The following SVIL variants were observed in gnomAD, a reference collection of about 807,000 sequenced individuals.
SVIL encodes supervillin.
A neutral mutation model predicts 240.4 loss-of-function variants in SVIL; 101 were observed. The ratio of observed to expected loss-of-function variants is 0.42; its 90% CI spans 0.36 to 0.50. The LOEUF is 0.50. Ranked by LOEUF, SVIL falls within the 20% of genes least tolerant of loss-of-function variation. The probability of loss-of-function intolerance (pLI) is 0.01; values close to 1 mark genes in which losing one functional copy is unlikely to be tolerated. For synonymous variants in SVIL, 999 were observed against 1,100.0 expected (o/e 0.91, Z 1.82); for missense variants, 2,512 against 2,818.7 (o/e 0.89, Z 2.46).
At chr10:29,472,093 A>G (rs1945646111) in intron 30 of SVIL, among the ~76,000 whole-genome samples, 1 of 152,202 alleles carries the variant, frequency 6.6e-6, no homozygotes, top group African/African-American at 2.4e-5. Context: ...TGGGTGACAG[A>G]GTGAGACCCC....
At chr10:29,716,948 G>A (rs1755561791) in intron 1 of SVIL, among the ~76,000 whole-genome samples, 1 of 152,288 alleles carries the variant, frequency 6.6e-6, no homozygotes, top group South Asian at 2.1e-4. Context: ...TAGGCACTGT[G>A]GGCTGGGAGC....
chr10:29,487,008 T>C (rs1423582031), intron 24 of SVIL, 155 bp downstream of exon 24: 2 of 945,934 alleles, frequency 2.1e-6, no homozygotes, highest in Non-Finnish European at 3.1e-6. Flanking sequence ...AAAGCTTGTT[T>C]GAGAGACATT....
At chr10:29,717,940 A>G (rs1462498672) in intron 1 of SVIL, among the ~76,000 whole-genome samples, 1 of 152,228 alleles carries the variant, frequency 6.6e-6, no homozygotes, top group Non-Finnish European at 1.5e-5. Flanking sequence ...AAAATTTAAG[A>G]AAAAATGTCT....
intron 1 of SVIL, among the ~76,000 whole-genome samples, chr10:29,617,843 C>T (rs948725317): frequency 2.0e-5 from 3 of 152,108 alleles, no homozygotes; most frequent in Admixed American, 1.3e-4. Context: ...TAAAGCCGGC[C>T]AATGCAGGCC....
At chr10:29,553,824 T>A (rs1391381546) in intron 5 of SVIL, among the ~76,000 whole-genome samples, 3 of 152,202 alleles carry the variant, frequency 2.0e-5, no homozygotes, top group Non-Finnish European at 4.4e-5. Flanking sequence ...ATAACTTAGA[T>A]AGAAAGTTTT....
intron 1 of SVIL, among the ~76,000 whole-genome samples, chr10:29,717,748 G>T (rs180967409): frequency 1.3e-5 from 2 of 152,132 alleles, no homozygotes; most frequent in South Asian, 2.1e-4. Context: ...TGCGAATATC[G>T]TGGAGAATGA....
At chr10:29,568,915 C>G (rs1955227041) in intron 2 of SVIL, among the ~76,000 whole-genome samples, 1 of 151,890 alleles carries the variant, frequency 6.6e-6, no homozygotes, top group Non-Finnish European at 1.5e-5. Flanking sequence ...GGAAGAGAAA[C>G]AAGTTTAAAC....
chr10:29,575,333 G>A (rs980281036), intron 1 of SVIL: 10 of 215,908 alleles, frequency 4.6e-5, no homozygotes, highest in Middle Eastern at 1.0e-3. Flanking sequence ...TTATCTTGAC[G>A]AGAAATGATG....
chr10:29,702,338 G>T (rs1962582615), intron 1 of SVIL, among the ~76,000 whole-genome samples: 1 of 94,700 alleles, frequency 1.1e-5, no homozygotes, highest in Non-Finnish European at 2.1e-5. Context: ...ACATTCAACA[G>T]TGCAACCAGA....
intron 1 of SVIL, among the ~76,000 whole-genome samples, chr10:29,581,717 T>C (rs1955954411): frequency 6.6e-6 from 1 of 152,238 alleles, no homozygotes; most frequent in South Asian, 2.1e-4. Context: ...ATCGTTTTAG[T>C]TTCTGGTTCA....
chr10:29,634,995 C>G (rs1314798745), upstream of SVIL: 1 of 152,036 alleles, frequency 6.6e-6, no homozygotes, highest in Non-Finnish European at 1.5e-5. Context: ...ATGGGACGGG[C>G]CTTTTATGGC....
intron 1 of SVIL, among the ~76,000 whole-genome samples, chr10:29,597,757 T>C (rs1472124583): frequency 1.3e-5 from 2 of 151,916 alleles, no homozygotes; most frequent in Non-Finnish European, 2.9e-5. Context: ...AGTCTCTTTC[T>C]GCTTGATGCC....
At chr10:29,620,901 G>A (rs1458912744) in intron 1 of SVIL, among the ~76,000 whole-genome samples, 4 of 152,036 alleles carry the variant, frequency 2.6e-5, no homozygotes, top group Non-Finnish European at 5.9e-5. Flanking sequence ...ACAGGTGTGA[G>A]CCACCACGCC....
chr10:29,642,838 C>T (rs1474858433), intron 3 of SVIL, among the ~76,000 whole-genome samples: 1 of 152,108 alleles, frequency 6.6e-6, no homozygotes, highest in Non-Finnish European at 1.5e-5. Context: ...CACATACCAC[C>T]ATGCCTGAAT....
At position 29,536,019 on chromosome 10, in the gene SVIL, T is replaced by G. The variant is rs1162243559; in HGVS notation, c.878A>C (p.Asp293Ala). ...EWFLQKDSEGDTPSLINWPSR... is the reference protein window; with the variant it reads ...EWFLQKDSEGATPSLINWPSR... ...AGGCCAGTTGATAAGTGAAGGTGTG[T>G]CCCCTTCGGAATCTTTCTGGAGAAA... The change falls in exon 7 of 38, where the codon GAC becomes GCC. Residue 293 changes from aspartate (D) to alanine (A), a missense_variant. Transcript: ENST00000355867. 6.2e-7 allele frequency: 1 copy of G among 1,614,066 alleles called. No individual in the cohort carries two copies. Among genetic ancestry groups the G allele is most frequent in the Non-Finnish European group, 8.5e-7 (1 of 1,180,046 alleles).
At chr10:29,725,838 C>T (rs564811166) in intron 1 of SVIL, among the ~76,000 whole-genome samples, 3 of 152,168 alleles carry the variant, frequency 2.0e-5, no homozygotes, top group Non-Finnish European at 2.9e-5. Context: ...ACTGAGGAAC[C>T]GTCTAGACTA....
At chr10:29,584,090 C>T (rs201777272) in intron 1 of SVIL, among the ~76,000 whole-genome samples, 31 of 152,092 alleles carry the variant, frequency 2.0e-4, no homozygotes, top group Admixed American at 5.9e-4. Context: ...TCCTGGAGGA[C>T]GAGACTGGAG....
chr10:29,523,210 C>G (rs766695166), intron 15 of SVIL, among the ~76,000 whole-genome samples: 5 of 152,118 alleles, frequency 3.3e-5, no homozygotes, highest in Non-Finnish European at 5.9e-5. Flanking sequence ...GTGTGAGTGA[C>G]CAAAGTCAAC....
Position 29,490,972 on chromosome 10 carries a change from C to T in SVIL, c.4067G>A (p.Arg1356His). The change falls in exon 22 of 38, where the codon CGC (arginine) becomes CAC (histidine). Residue 1356 changes from arginine to histidine, a missense_variant. This residue lies in a region of SVIL where 272 missense variants were observed against 406.8 expected (regional missense o/e 0.67). Transcript: ENST00000355867. ...AEHKRAVRPK[R>H]RVQASKNPLK... ...GGGGTTTTTGGAGGCCTGAACCCGG[C>T]GCTTGGGCCTAACTGCCCGCTTGTG... The T allele has an allele frequency of 1.2e-6, 2 of 1,613,986 alleles. No homozygotes were observed. The highest frequency in any genetic ancestry group is 1.7e-6 in the Non-Finnish European group (2 of 1,179,882).
Sources: gnomAD v4.1 joint callset for allele counts (sites outside exome capture counted in the v4.1 genomes callset) on GRCh38, gnomAD v4.1.1 for gene constraint, gnomAD v4.1.1 regional missense constraint, MANE v1.5 for transcripts, NCBI Gene and HGNC (gene_info 2026-07-23, HGNC 2026-07-21) for gene names.